Variants in ARHGAP44 observed in about 807,000 individuals in gnomAD.
The protein encoded by ARHGAP44 is Rho GTPase activating protein 44, also known as rho GTPase-activating protein 44.
A neutral mutation model predicts 106.8 loss-of-function variants in ARHGAP44; 43 were observed. That is an observed-to-expected ratio of 0.40 (90% CI 0.32 to 0.52). ARHGAP44 has a LOEUF of 0.52. Among genes scored for constraint, ARHGAP44 ranks in the 20% least tolerant of loss-of-function variants. The pLI is 0.48. For missense variants in ARHGAP44, 866 were observed against 1,050.5 expected, an observed-to-expected ratio of 0.82 and a Z score of 2.43; for synonymous variants, 439 against 410.3, an observed-to-expected ratio of 1.07 and a Z score of -0.85.
rs574177658 is a variant in ARHGAP44, at chr17:12,924,231, T to G, written c.464+4400T>G. Among the ~76,000 whole-genome samples, 7 of 152,338 alleles carry G rather than the reference T, an allele frequency of 4.6e-5. No individual in the cohort carries two copies. In the South Asian group the frequency reaches 1.5e-3, roughly 32 times the overall value. On this transcript the variant is annotated intron_variant, in intron 6 of 20. Transcript: ENST00000379672. Reference sequence around the variant, plus strand: ...TTAATTTATCTCGTGTTTAATTAGATCCCAATAAGATGTGTATGTTTGTCA... The same window carrying G: ...TTAATTTATCTCGTGTTTAATTAGAGCCCAATAAGATGTGTATGTTTGTCA...
At chr17:12,916,622 C>A (rs979027731) in intron 5 of ARHGAP44, among the ~76,000 whole-genome samples, 1 of 152,130 alleles carries the variant, frequency 6.6e-6, no homozygotes, top group Non-Finnish European at 1.5e-5. Context: ...TGACCTCAGG[C>A]GATCCACCCG....
intron 7 of ARHGAP44, among the ~76,000 whole-genome samples, chr17:12,931,375 A>G (rs928193067): frequency 5.9e-5 from 9 of 151,664 alleles, no homozygotes; most frequent in Admixed American, 3.3e-4. Flanking sequence ...CCCGGCCTAT[A>G]TGTTTGTTTT....
intron 16 of ARHGAP44, among the ~76,000 whole-genome samples, chr17:12,971,806 G>C (rs1422012250): frequency 6.6e-6 from 1 of 152,166 alleles, no homozygotes; most frequent in East Asian, 1.9e-4. Context: ...ATCCAGCGGA[G>C]ATGAGAAATA....
chr17:12,854,537 G>A (rs1316123600), intron 1 of ARHGAP44, among the ~76,000 whole-genome samples: 1 of 152,168 alleles, frequency 6.6e-6, no homozygotes, highest in Non-Finnish European at 1.5e-5. Flanking sequence ...AGTGGTTTCT[G>A]ACACAACTAA....
At position 12,908,921 on chromosome 17, in the gene ARHGAP44, G is replaced by T; in HGVS notation, c.223G>T (p.Ala75Ser). The T allele has an allele frequency of 6.2e-7, 1 of 1,604,922 alleles. No homozygotes were observed. The highest frequency in any genetic ancestry group is 1.1e-5 in the South Asian group (1 of 88,878). The change falls in exon 4 of 21, where the codon GCT becomes TCT. Residue 75 changes from alanine to serine, a missense_variant. Ala to Ser is a moderately conservative substitution (Grantham distance 99). Transcript: ENST00000379672. ...RSKKLPLTTLAQCLMEGSAIL... is the reference protein window; with the variant it reads ...RSKKLPLTTLSQCLMEGSAIL... ...GAAAAAGTTGCCTTTGACAACACTG[G>T]CTCAGTGTCTGATGGAGGGGTCAGC...
intron 3 of ARHGAP44, among the ~76,000 whole-genome samples, chr17:12,899,083 A>G (rs1328314458): frequency 6.6e-6 from 1 of 151,976 alleles, no homozygotes; most frequent in African/African-American, 2.4e-5. Context: ...TGATTCTCCC[A>G]CCTCAGCCTA....
chr17:12,818,604 C>G (rs1567629919), intron 1 of ARHGAP44, among the ~76,000 whole-genome samples: 1 of 151,972 alleles, frequency 6.6e-6, no homozygotes, highest in Non-Finnish European at 1.5e-5. Flanking sequence ...GAAAAATCTC[C>G]TAGAACTAAT....
intron 16 of ARHGAP44, among the ~76,000 whole-genome samples, chr17:12,962,093 A>G (rs2039277688): frequency 1.3e-5 from 2 of 151,682 alleles, no homozygotes; most frequent in South Asian, 4.1e-4. Context: ...ATATATATAT[A>G]TGAATTATAT....
intron 5 of ARHGAP44, among the ~76,000 whole-genome samples, chr17:12,916,982 G>T (rs972182520): frequency 2.0e-4 from 31 of 152,150 alleles, no homozygotes; most frequent in Non-Finnish European, 4.1e-4. Flanking sequence ...GAGCATTTTG[G>T]ATTTCACATA....
intron 16 of ARHGAP44, among the ~76,000 whole-genome samples, chr17:12,960,338 T>C (rs2143192223): frequency 6.6e-6 from 1 of 152,150 alleles, no homozygotes; most frequent in African/African-American, 2.4e-5. Context: ...GAGGCTGAGG[T>C]GGGTGGATCA....
At chr17:12,896,675 AC>A (rs2037216374) in intron 3 of ARHGAP44, among the ~76,000 whole-genome samples, 164 bp downstream of exon 3, 2 of 151,786 alleles carry the variant, frequency 1.3e-5, no homozygotes, top group Non-Finnish European at 2.9e-5. Context: ...TGGGGTAATG[AC>A]CCTCCCTACT....
chr17:12,898,326 A>T (rs1299520045), intron 3 of ARHGAP44, among the ~76,000 whole-genome samples: 1 of 152,158 alleles, frequency 6.6e-6, no homozygotes, highest in Non-Finnish European at 1.5e-5. Flanking sequence ...ATTGGTTTGC[A>T]TTTAAAAAGC....
chr17:12,920,432 A>C (rs1023920958), intron 6 of ARHGAP44, among the ~76,000 whole-genome samples: 4 of 151,828 alleles, frequency 2.6e-5, no homozygotes, highest in African/African-American at 9.7e-5. Context: ...TGATGGAGAA[A>C]GGGAGCAACA....
chr17:12,818,279 A>G (rs1052362621), intron 1 of ARHGAP44, among the ~76,000 whole-genome samples: 8 of 146,742 alleles, frequency 5.5e-5, no homozygotes, highest in Middle Eastern at 3.2e-3. Flanking sequence ...ATGATAAGAC[A>G]TTTTACCAAA....
intron 1 of ARHGAP44, among the ~76,000 whole-genome samples, chr17:12,865,220 C>T (rs1313526182): frequency 1.3e-5 from 2 of 152,116 alleles, no homozygotes; most frequent in Admixed American, 1.3e-4. Context: ...CCAGATTTCT[C>T]ATCACCAGCC....
At chr17:12,885,326 T>G (rs7220429) in intron 1 of ARHGAP44, among the ~76,000 whole-genome samples, 145 of 99,706 alleles carry the variant, frequency 1.5e-3, no homozygotes, top group African/African-American at 7.3e-3. Flanking sequence ...ACAGAGTAGG[T>G]GTGTGTGTGT....
At chr17:12,919,360 T>A (rs10775373) in intron 5 of ARHGAP44, among the ~76,000 whole-genome samples, 100,236 of 150,778 alleles carry the variant, frequency 0.66, 33,588 homozygotes, top group East Asian at 0.89. Flanking sequence ...TTGGGTGACT[T>A]CCAATAGTTC....
intron 5 of ARHGAP44, chr17:12,917,155 G>T (rs1372548422): frequency 1.3e-5 from 2 of 154,420 alleles, no homozygotes; most frequent in Non-Finnish European, 1.5e-5. Flanking sequence ...ATTAGTCAGG[G>T]TTCTCCAGAG....
chr17:12,974,357 G>A (rs1109766), intron 18 of ARHGAP44, 47 bp downstream of exon 18: 8 of 1,344,524 alleles, frequency 6.0e-6, no homozygotes, highest in Middle Eastern at 5.5e-4. Flanking sequence ...TGCGGTGCAG[G>A]GGGTGTCTGG....
Sources: allele counts gnomAD v4.1 joint callset (sites outside exome capture counted in the v4.1 genomes callset), GRCh38; gene constraint gnomAD v4.1.1; transcripts MANE v1.5; gene names NCBI Gene and HGNC (gene_info 2026-07-23, HGNC 2026-07-21).